Variants in STRC observed in about 807,000 individuals in gnomAD.
The protein encoded by STRC is stereocilin.
STRC carries 43 observed loss-of-function variants against 103.5 expected under a neutral mutation model. The ratio of observed to expected loss-of-function variants is 0.42; its 90% CI spans 0.33 to 0.54. The LOEUF is 0.54. STRC is among the 20% of genes least tolerant of loss of function. The probability of loss-of-function intolerance (pLI) is 0.14; values close to 1 mark genes in which losing one functional copy is unlikely to be tolerated. For missense variants in STRC, 499 were observed against 1,088.5 expected (o/e 0.46, Z 7.62); for synonymous variants, 186 against 442.3 (o/e 0.42, Z 7.27).
chr15:43,600,685 G>A lies in STRC; in HGVS notation c.4845-3C>T, dbSNP rs369417288. 12 of 1,613,130 alleles carry A rather than the reference G, an allele frequency of 7.4e-6. 1 individual carries two copies. The South Asian group carries it at 8.8e-5, about 12-fold the overall frequency. ...TGCCGAGGAAGAGAGCTGCTTGGCT[G>A]TAGAACAGTAGGAAGGAAGGAAGAA... On this transcript the variant is annotated splice_polypyrimidine_tract_variant and splice_region_variant and intron_variant, in intron 25 of 28. Coordinates refer to ENST00000450892, the MANE Select transcript of STRC (RefSeq NM_153700.2).
At chr15:43,609,181 A>T in intron 16 of STRC, 95 bp downstream of exon 16, 2 of 1,239,368 alleles carry the variant, frequency 1.6e-6, no homozygotes, top group Non-Finnish European at 2.4e-6. Context: ...TCATCCCTAT[A>T]TCCCCCATTC....
intron 22 of STRC, 87 bp downstream of exon 22, chr15:43,603,909 G>A (rs2085692419): frequency 6.2e-7 from 1 of 1,602,198 alleles, no homozygotes; most frequent in Non-Finnish European, 8.5e-7. Flanking sequence ...AGAAAACCCA[G>A]TCCCAGGGAA....
At position 43,601,404 on chromosome 15, in the gene STRC, T is replaced by C. The variant is rs141809944; in HGVS notation, c.4693A>G (p.Thr1565Ala). ...STLGQIDGWS[T>A]TQLRIVVSSF... ...AGGAGGAAAAGTGTTACCTGAGTGG[T>C]GCTCCAGCCATCTATCTGCCCCAGG... Residue 1565 changes from threonine to alanine, a missense_variant, in exon 24 of 29, where the codon ACC (threonine) becomes GCC (alanine). Transcript: ENST00000450892. 6 of 1,612,316 alleles carry C rather than the reference T, an allele frequency of 3.7e-6. No homozygotes were observed. The African/African-American group carries it at 5.4e-5, about 14-fold the overall frequency.
chr15:43,603,728 C>T, intron 22 of STRC: 1 of 707,670 alleles, frequency 1.4e-6, no homozygotes, highest in Non-Finnish European at 2.3e-6. Flanking sequence ...CAGCAGAGAG[C>T]TCCACACTTA....
At position 43,602,986 on chromosome 15, in the gene STRC, GA is replaced by G. The variant is rs545659286; in HGVS notation, c.4545+255del. On this transcript the variant is annotated intron_variant, in intron 23 of 28. Transcript: ENST00000450892. ...TTTTTAAGAAAGAAAAAAAAATAAA[GA>G]AAAAAATCTGTTCCCTTGATGATCG... Among the ~76,000 whole-genome samples the G allele has an allele frequency of 1.1e-3, 167 of 151,848 alleles. 1 individual carries two copies. The highest frequency in any genetic ancestry group is 3.8e-3 in the African/African-American group (157 of 41,394).
chr15:43,603,418 G>A lies in STRC; in HGVS notation c.4376-7C>T. 6.2e-7 allele frequency: 1 copy of A among 1,612,692 alleles called. No individual in the cohort carries two copies. The highest frequency in any genetic ancestry group is 8.5e-7 in the Non-Finnish European group (1 of 1,179,698). On this transcript the variant is annotated splice_polypyrimidine_tract_variant and splice_region_variant and intron_variant, in intron 22 of 28. Coordinates refer to ENST00000450892, the MANE Select transcript of STRC (RefSeq NM_153700.2). ...GCACAATTTGGCACAGGTTCTGAAGGGGGAAGGCAGGGCCAGGAGGTCAGC... is the reference window on the plus strand; with the variant it reads ...GCACAATTTGGCACAGGTTCTGAAGAGGGAAGGCAGGGCCAGGAGGTCAGC...
In STRC at chr15:43,600,269, G is replaced by A; in HGVS notation, c.5018C>T (p.Ser1673Leu). The A allele has an allele frequency of 8.7e-7, 1 of 1,145,690 alleles. No individual in the cohort carries two copies. Among genetic ancestry groups the A allele is most frequent in the Non-Finnish European group, 1.3e-6 (1 of 783,272 alleles). 71.0% of individuals were successfully genotyped at this position (1,145,690 alleles called of 1,614,324 possible). The change falls in exon 27 of 29, where the codon TCA becomes TTA. Residue 1673 changes from serine to leucine, a missense_variant. Physicochemically the swap from Ser to Leu is moderately radical, Grantham distance 145. Transcript: ENST00000450892. Reference sequence around the variant, plus strand: ...CTGGATCTGTCCCCGCAGCAGTGCTGAAAGAGCCAGGTCTGGGATCCCAGC... The same window carrying A: ...CTGGATCTGTCCCCGCAGCAGTGCTAAAAGAGCCAGGTCTGGGATCCCAGC... The part of the protein sequence containing the change: ...IAAGIPDLAL[S>L]ALLRGQIQGV...
At chr15:43,600,760 T>C in intron 25 of STRC, 78 bp from the exon 26 acceptor site, 1 of 1,612,228 alleles carries the variant, frequency 6.2e-7, no homozygotes. Flanking sequence ...AAGGAAGAGA[T>C]GGCTTCAAAT....
At chr15:43,603,436 A>G (rs1341950335) in intron 22 of STRC, 25 bp from the exon 23 acceptor site, 1 of 1,608,930 alleles carries the variant, frequency 6.2e-7, no homozygotes, top group East Asian at 2.2e-5. Flanking sequence ...CAGGGCCAGG[A>G]GGTCAGCGCA....
chr15:43,601,455 G>C lies in STRC; in HGVS notation c.4642C>G (p.Leu1548Val). 2 of 1,613,756 alleles carry C rather than the reference G, an allele frequency of 1.2e-6. No homozygotes were observed. The highest frequency in any genetic ancestry group is 8.5e-7 in the Non-Finnish European group (1 of 1,179,838). ...LGDRELQELILVDWGVLSTLG... is the reference protein window; with the variant it reads ...LGDRELQELIVVDWGVLSTLG... ...GTGCTCAGCACTCCCCAGTCCACTA[G>C]GATCAGCTCCTGTAGTTCCCGATCT... The change falls in exon 24 of 29, where the codon CTA becomes GTA. Residue 1548 changes from leucine (L) to valine (V), a missense_variant. Coordinates refer to ENST00000450892, the MANE Select transcript of STRC (RefSeq NM_153700.2).
chr15:43,601,545 C>CTTCGT lies in STRC; in HGVS notation c.4551_4552insACGAA (p.Gly1518ThrfsTer20). The stretch of plus-strand genomic sequence containing the variant: ...TCAGGACGAAATCCCCGGGGGGGAC[C>CTTCGT]CCACAACTAGGAGAAAGACAGGAAC... On this transcript the variant is annotated frameshift_variant, in exon 24 of 29. Transcript: ENST00000450892. LOFTEE classifies it high-confidence loss of function. 6.2e-7 allele frequency: 1 copy of CTTCGT among 1,613,764 alleles called. No homozygotes were observed. The highest frequency in any genetic ancestry group is 2.2e-5 in the East Asian group (1 of 44,862).
At chr15:43,605,463 C>T in intron 18 of STRC, 64 bp from the exon 19 acceptor site, 1 of 1,556,180 alleles carries the variant, frequency 6.4e-7, no homozygotes, top group Admixed American at 1.9e-5. Context: ...GAAGGGACCA[C>T]AAAACCCCAC....
In STRC at chr15:43,603,372, G is replaced by C. The variant is rs144622511; in HGVS notation, c.4415C>G (p.Pro1472Arg). Residue 1472 changes from proline to arginine, a missense_variant, in exon 23 of 29, where the codon CCA (proline) becomes CGA (arginine). Pro to Arg is a moderately radical substitution (Grantham distance 103, BLOSUM62 -2). Transcript: ENST00000450892. ...AATCTGGGTTGCAGACCAGGCTGCT[G>C]GGAATGTCCCTCGTACATCTGCACA... The part of the protein sequence containing the change: ...PNCADVRGTF[P>R]AAWSATQIAE... 2 of 1,613,796 alleles carry C rather than the reference G, an allele frequency of 1.2e-6. No individual in the cohort carries two copies. Among genetic ancestry groups the C allele is most frequent in the Non-Finnish European group, 1.7e-6 (2 of 1,179,876 alleles).
At chr15:43,601,658 T>G (rs1481118048) in intron 23 of STRC, 107 bp from the exon 24 acceptor site, 2 of 1,206,692 alleles carry the variant, frequency 1.7e-6, no homozygotes, top group East Asian at 5.0e-5. Context: ...TCTAGGTAAA[T>G]CATTTGCCTT....
intron 26 of STRC, 29 bp downstream of exon 26, chr15:43,600,505 C>T: frequency 1.2e-6 from 2 of 1,610,860 alleles, no homozygotes; most frequent in Non-Finnish European, 1.7e-6. Context: ...ACCAAACCAA[C>T]TTGCACCAGC....
Position 43,601,547 on chromosome 15 carries a change from CACAA to C in STRC, c.4546_4549del (p.Leu1516GlyfsTer19). 6.2e-7 allele frequency: 1 copy of C among 1,613,774 alleles called. No individual in the cohort carries two copies. The highest frequency in any genetic ancestry group is 2.2e-5 in the East Asian group (1 of 44,868). The stretch of plus-strand genomic sequence containing the variant: ...AGGACGAAATCCCCGGGGGGGACCC[CACAA>C]CTAGGAGAAAGACAGGAACAATGTG... On this transcript the variant is annotated frameshift_variant and splice_region_variant, in exon 24 of 29. Coordinates refer to ENST00000450892, the MANE Select transcript of STRC (RefSeq NM_153700.2). LOFTEE classifies it high-confidence loss of function.
Position 43,606,366 on chromosome 15 carries a change from C to T in STRC, c.3795-967G>A, listed in dbSNP as rs2085710412. Among the ~76,000 whole-genome samples, 4 of 106,928 alleles carry T rather than the reference C, an allele frequency of 3.7e-5. No homozygotes were observed. In the South Asian group the frequency reaches 1.6e-3, roughly 43 times the overall value. 70.1% of individuals were successfully genotyped at this position (106,928 alleles called of 152,430 possible). ...CCTGTAATCCCAGCACTTTGGGAGG[C>T]CGAGGCAGGCAGATCACAGGGTCAG... On this transcript the variant is annotated intron_variant, in intron 18 of 28. Transcript: ENST00000450892.
Position 43,601,540 on chromosome 15 carries a change from G to T in STRC, c.4557C>A (p.Pro1519=). The change falls in exon 24 of 29, where the codon CCC becomes CCA. Residue 1519 remains proline, a synonymous_variant. Transcript: ENST00000450892. ...AMGKAKQLWG[P]PRGFRPEQIL... ...TCTGCTCAGGACGAAATCCCCGGGG[G>T]GGACCCCACAACTAGGAGAAAGACA... The T allele has an allele frequency of 6.2e-7, 1 of 1,613,822 alleles. No homozygotes were observed.
At chr15:43,606,947 C>G (rs1346357645) in intron 18 of STRC, among the ~76,000 whole-genome samples, 1 of 122,212 alleles carries the variant, frequency 8.2e-6, no homozygotes, top group Non-Finnish European at 1.7e-5. Flanking sequence ...TTGCAGTGAG[C>G]CGAGATCACG....
Sources: allele counts gnomAD v4.1 joint callset (sites outside exome capture counted in the v4.1 genomes callset), GRCh38; gene constraint gnomAD v4.1.1; transcripts MANE v1.5; gene names NCBI Gene and HGNC (gene_info 2026-07-23, HGNC 2026-07-21).